Variants in TMEM184B observed in about 807,000 individuals in gnomAD.
TMEM184B encodes putative MAPK-activating protein FM08.
Under a neutral mutation model 41.8 loss-of-function variants are expected in TMEM184B, and 17 were observed. The ratio of observed to expected loss-of-function variants is 0.41; its 90% CI spans 0.28 to 0.61. The LOEUF (loss-of-function observed/expected upper bound fraction) is 0.61, where lower values mean the gene tolerates loss of function less well. Ranked by LOEUF, TMEM184B falls within the 20% of genes least tolerant of loss-of-function variation. TMEM184B has a pLI of 0.34. For missense variants in TMEM184B, 393 were observed against 557.8 expected, an observed-to-expected ratio of 0.70 and a Z score of 2.98; for synonymous variants, 240 against 229.5, an observed-to-expected ratio of 1.05 and a Z score of -0.41.
chr22:38,218,191 C>CATA, downstream of TMEM184B, among the ~76,000 whole-genome samples: 1 of 152,326 alleles, frequency 6.6e-6, no homozygotes, highest in East Asian at 1.9e-4. Flanking sequence ...AGGCCTAAAC[C>CATA]ATAACCCTGT....
rs778875113 is a variant in TMEM184B, at chr22:38,230,668, C to T, written c.525+1G>A. On this transcript the variant is annotated splice_donor_variant, in intron 5 of 8. Coordinates refer to ENST00000361906, the MANE Select transcript of TMEM184B (RefSeq NM_012264.5). LOFTEE classifies it high-confidence loss of function. ...GCTAGGCAGCTGCTGGGGGCACACA[C>T]CTGTTTGCAGAACCTCAGAAATCCG... The T allele has an allele frequency of 2.5e-6, 4 of 1,609,558 alleles. No homozygotes were observed. Among genetic ancestry groups the T allele is most frequent in the Non-Finnish European group, 3.4e-6 (4 of 1,178,132 alleles).
intron 1 of TMEM184B, among the ~76,000 whole-genome samples, chr22:38,263,853 G>A (rs767834235): frequency 7.9e-5 from 12 of 152,232 alleles, no homozygotes; most frequent in Non-Finnish European, 1.3e-4. Flanking sequence ...CTCCCAGGCT[G>A]AAGTGCGGTG....
chr22:38,237,653 C>T (rs114356244), intron 3 of TMEM184B, among the ~76,000 whole-genome samples: 2,119 of 152,322 alleles, frequency 0.014, 50 homozygotes, highest in African/African-American at 0.048. Flanking sequence ...GGCCTCAGAA[C>T]GTTCTTATGC....
chr22:38,223,331 C>A (rs1285928391), intron 8 of TMEM184B: 1 of 152,372 alleles, frequency 6.6e-6, no homozygotes, highest in Non-Finnish European at 1.5e-5. Flanking sequence ...GGCCCCAGGC[C>A]CCAGGCCCAA....
In TMEM184B at chr22:38,232,458, G is replaced by A. The variant is rs573328093; in HGVS notation, c.359-1124C>T. 2.0e-5 allele frequency among the ~76,000 whole-genome samples: 3 copies of A among 152,324 alleles called. No homozygotes were observed. In the East Asian group the frequency reaches 5.8e-4, roughly 29 times the overall value. ...GGCAAATGGACATGCCAGGATGGAG[G>A]AGAGTGTGGAGAAGGCGGGGGAAGG... On this transcript the variant is annotated intron_variant, in intron 3 of 8. Coordinates refer to ENST00000361906, the MANE Select transcript of TMEM184B (RefSeq NM_012264.5).
chr22:38,262,975 T>C (rs1178509154), intron 1 of TMEM184B, among the ~76,000 whole-genome samples: 1 of 152,206 alleles, frequency 6.6e-6, no homozygotes, highest in Non-Finnish European at 1.5e-5. Flanking sequence ...TGATCTTGGC[T>C]CACTGTAAAC....
At chr22:38,232,300 C>A (rs7289126) in intron 3 of TMEM184B, 88,028 of 152,074 alleles carry the variant, frequency 0.58, 27,381 homozygotes, top group African/African-American at 0.82. Flanking sequence ...AATTTGCCAC[C>A]GGGAGTGATG....
At chr22:38,271,468 T>G (rs2092521364) in intron 1 of TMEM184B, among the ~76,000 whole-genome samples, 1 of 152,152 alleles carries the variant, frequency 6.6e-6, no homozygotes, top group African/African-American at 2.4e-5. Context: ...GCTGTGCAAA[T>G]TACACAGGAA....
chr22:38,264,346 T>C (rs893212203), intron 1 of TMEM184B, among the ~76,000 whole-genome samples: 1 of 151,296 alleles, frequency 6.6e-6, no homozygotes, highest in African/African-American at 2.4e-5. Flanking sequence ...TGAGCCACTA[T>C]GACAAGCAGC....
intron 2 of TMEM184B, among the ~76,000 whole-genome samples, chr22:38,247,513 T>C (rs754601417): frequency 1.4e-4 from 22 of 152,300 alleles, no homozygotes; most frequent in Middle Eastern, 3.4e-3. Flanking sequence ...GGCAGGAGAA[T>C]TGTTCCAACC....
chr22:38,240,432 A>G (rs868004050), intron 3 of TMEM184B, among the ~76,000 whole-genome samples: 10 of 152,186 alleles, frequency 6.6e-5, no homozygotes, highest in Admixed American at 2.6e-4. Flanking sequence ...AACAAAGTTC[A>G]TGGAAAACAG....
intron 5 of TMEM184B, among the ~76,000 whole-genome samples, chr22:38,230,424 G>A (rs1389888971): frequency 7.2e-5 from 11 of 152,238 alleles, no homozygotes; most frequent in East Asian, 1.9e-4. Flanking sequence ...GGTCACACGA[G>A]CAAGAGTCTG....
At chr22:38,230,380 G>T (rs372759021) in intron 5 of TMEM184B, among the ~76,000 whole-genome samples, 1 of 152,208 alleles carries the variant, frequency 6.6e-6, no homozygotes, top group Non-Finnish European at 1.5e-5. Context: ...GAATCCCCAC[G>T]CACTTCTTCT....
Position 38,272,908 on chromosome 22 carries a change from C to A in TMEM184B, c.-83G>T. ...CCTCAGGAGCCCATGGCGGTGGCGG[C>A]GTCTGCGGACGATGCGCGGCAGCCG... On this transcript the variant is annotated 5_prime_UTR_variant, in exon 1 of 9. Coordinates refer to ENST00000361906, the MANE Select transcript of TMEM184B (RefSeq NM_012264.5). 1.0e-5 allele frequency: 7 copies of A among 698,142 alleles called. No individual in the cohort carries two copies. Among genetic ancestry groups the A allele is most frequent in the Non-Finnish European group, 1.2e-5 (7 of 567,696 alleles). 43.2% of individuals were successfully genotyped at this position (698,142 alleles called of 1,614,324 possible). A position where few individuals can be genotyped will look rare whatever the true frequency, so the allele number is the denominator to read the frequency against.
chr22:38,219,406 G>A lies in TMEM184B; in HGVS notation c.*2063C>T, dbSNP rs2091198479. On this transcript the variant is annotated 3_prime_UTR_variant, in exon 9 of 9. Coordinates refer to ENST00000361906, the MANE Select transcript of TMEM184B (RefSeq NM_012264.5). ...GACCAAAATAGAGTGGCTTTCTGGT[G>A]GAACTCATGGCAGTCATACAACAAG... 1.0e-6 allele frequency: 1 copy of A among 985,746 alleles called. No individual in the cohort carries two copies. Among genetic ancestry groups the A allele is most frequent in the Middle Eastern group, 5.2e-4 (1 of 1,914 alleles). 61.1% of individuals were successfully genotyped at this position (985,746 alleles called of 1,614,324 possible).
intron 3 of TMEM184B, among the ~76,000 whole-genome samples, chr22:38,232,654 C>G (rs1399675114): frequency 6.6e-6 from 1 of 152,146 alleles, no homozygotes; most frequent in Non-Finnish European, 1.5e-5. Flanking sequence ...GGCTTCTTCT[C>G]ATCTGACCCC....
intron 1 of TMEM184B, among the ~76,000 whole-genome samples, chr22:38,261,455 G>T (rs961156866): frequency 1.3e-5 from 2 of 152,176 alleles, no homozygotes; most frequent in Non-Finnish European, 2.9e-5. Flanking sequence ...AACCAGGAAA[G>T]CAAAATCATC....
At chr22:38,219,063 C>T (rs992859137), downstream of TMEM184B, among the ~76,000 whole-genome samples, 9 of 152,310 alleles carry the variant, frequency 5.9e-5, no homozygotes, top group South Asian at 2.1e-4. Context: ...CGACCGCCTG[C>T]GGCCCGGCCG....
At chr22:38,231,533 G>A (rs767754749) in intron 3 of TMEM184B, 199 bp from the exon 4 acceptor site, 8 of 697,996 alleles carry the variant, frequency 1.1e-5, no homozygotes, top group South Asian at 3.0e-5. Context: ...TTCAAAACCC[G>A]GCACACCTAA....
Sources: allele counts gnomAD v4.1 joint callset (sites outside exome capture counted in the v4.1 genomes callset), GRCh38; gene constraint gnomAD v4.1.1; transcripts MANE v1.5; gene names NCBI Gene and HGNC (gene_info 2026-07-23, HGNC 2026-07-21).